The following TBC1D32 variants were observed in gnomAD, a reference collection of about 807,000 sequenced individuals.
TBC1D32 encodes the protein TBC1 domain family member 32.
A neutral mutation model predicts 170.3 loss-of-function variants in TBC1D32; 151 were observed. That is an observed-to-expected ratio of 0.89 (90% CI 0.78 to 1.01). The LOEUF (loss-of-function observed/expected upper bound fraction) is 1.01. Among genes scored for constraint, TBC1D32 ranks in the 50% least tolerant of loss-of-function variants. The pLI is 0.00. For synonymous variants in TBC1D32, 498 were observed against 488.0 expected (o/e 1.02, Z -0.27); for missense variants, 1,464 against 1,457.1 (o/e 1.00, Z -0.08).
chr6:121,178,053 A>G (rs1378072038), intron 22 of TBC1D32, among the ~76,000 whole-genome samples: 3 of 152,184 alleles, frequency 2.0e-5, no homozygotes, highest in Non-Finnish European at 2.9e-5. Context: ...CACATCTTAC[A>G]TGGCAGCAGG....
chr6:121,256,510 T>C (rs1282885339), intron 15 of TBC1D32, among the ~76,000 whole-genome samples: 1 of 152,088 alleles, frequency 6.6e-6, no homozygotes, highest in Non-Finnish European at 1.5e-5. Flanking sequence ...AGGAAAACTT[T>C]ACAATGAAAA....
intron 20 of TBC1D32, among the ~76,000 whole-genome samples, chr6:121,237,803 T>C (rs1796504127): frequency 6.6e-6 from 1 of 152,112 alleles, no homozygotes; most frequent in African/African-American, 2.4e-5. Flanking sequence ...TTTAAAATCC[T>C]AAATTCTTCA....
At chr6:121,159,975 A>T (rs1207454696) in intron 24 of TBC1D32, 35 bp downstream of exon 24, 1 of 1,390,470 alleles carries the variant, frequency 7.2e-7, no homozygotes, top group East Asian at 2.3e-5. Context: ...CAAAAGCTTT[A>T]AAAATAATAT....
chr6:121,131,820 A>T, intron 24 of TBC1D32, 68 bp from the exon 25 acceptor site: 1 of 1,274,152 alleles, frequency 7.8e-7, no homozygotes. Context: ...ATTAATGTTA[A>T]CTATGTAAAC....
chr6:121,318,222 G>A (rs1421600659), intron 2 of TBC1D32, among the ~76,000 whole-genome samples: 3 of 152,050 alleles, frequency 2.0e-5, no homozygotes, highest in Non-Finnish European at 4.4e-5. Flanking sequence ...CAGAGGCTGG[G>A]AAATCCACTC....
At chr6:121,246,385 TC>T (rs142517948) in intron 17 of TBC1D32, among the ~76,000 whole-genome samples, 2 of 151,996 alleles carry the variant, frequency 1.3e-5, no homozygotes, top group African/African-American at 4.8e-5. Context: ...AAAAAATTTT[TC>T]TAATCCGATC....
chr6:121,111,298 A>G (rs917376455), intron 29 of TBC1D32, among the ~76,000 whole-genome samples: 6 of 152,214 alleles, frequency 3.9e-5, no homozygotes, highest in African/African-American at 1.4e-4. Flanking sequence ...TGATGTTTAG[A>G]TGGTGTCATA....
chr6:121,276,619 A>G (rs149859621), intron 15 of TBC1D32, among the ~76,000 whole-genome samples: 132 of 152,274 alleles, frequency 8.7e-4, no homozygotes, highest in African/African-American at 2.9e-3. Context: ...AGTAGATTAA[A>G]AGTCAAGACC....
At chr6:121,081,703 T>C (rs1185700951) in intron 31 of TBC1D32, among the ~76,000 whole-genome samples, 1 of 151,234 alleles carries the variant, frequency 6.6e-6, no homozygotes, top group African/African-American at 2.4e-5. Flanking sequence ...CTAGATACTG[T>C]GTTAGAGGCA....
intron 24 of TBC1D32, among the ~76,000 whole-genome samples, chr6:121,152,229 G>A (rs1478488712): frequency 6.6e-6 from 1 of 152,138 alleles, no homozygotes; most frequent in Admixed American, 6.5e-5. Context: ...TTGTTTGTCT[G>A]TAAAGGATTT....
intron 1 of TBC1D32, among the ~76,000 whole-genome samples, chr6:121,333,192 T>C (rs906565291): frequency 6.6e-6 from 1 of 152,182 alleles, no homozygotes. Flanking sequence ...GTGTCATCTC[T>C]GTCAGATCAA....
chr6:121,237,254 A>C (rs11154006), intron 20 of TBC1D32, among the ~76,000 whole-genome samples: 1 of 151,678 alleles, frequency 6.6e-6, no homozygotes, highest in Non-Finnish European at 1.5e-5. Flanking sequence ...GATATGAAAA[A>C]TTTTTCTGCT....
chr6:121,128,854 CA>C (rs1344129466), intron 25 of TBC1D32, among the ~76,000 whole-genome samples: 2 of 152,082 alleles, frequency 1.3e-5, no homozygotes, highest in Non-Finnish European at 2.9e-5. Flanking sequence ...CGTTAAAATC[CA>C]ATACATATCC....
intron 1 of TBC1D32, among the ~76,000 whole-genome samples, chr6:121,324,284 A>T (rs1810162149): frequency 1.3e-5 from 2 of 152,200 alleles, no homozygotes; most frequent in Admixed American, 1.3e-4. Flanking sequence ...TTGCAACAAA[A>T]ATTACATTTT....
At chr6:121,193,512 C>G (rs1199429431) in intron 22 of TBC1D32, among the ~76,000 whole-genome samples, 1 of 152,196 alleles carries the variant, frequency 6.6e-6, no homozygotes, top group East Asian at 1.9e-4. Flanking sequence ...TCAGGTCTAA[C>G]AGTGGGAACT....
At chr6:121,260,940 G>C (rs189009428) in intron 15 of TBC1D32, among the ~76,000 whole-genome samples, 1 of 152,202 alleles carries the variant, frequency 6.6e-6, no homozygotes, top group Admixed American at 6.5e-5. Context: ...TTCCCTGCTA[G>C]AGCCAGGGAA....
intron 2 of TBC1D32, 97 bp downstream of exon 2, chr6:121,321,536 T>A (rs1012480931): frequency 2.6e-6 from 3 of 1,150,816 alleles, no homozygotes; most frequent in African/African-American, 1.6e-5. Context: ...TTCTGGCTGC[T>A]ATGAGGGAAA....
At chr6:121,296,372 A>T (rs1805646465) in intron 10 of TBC1D32, among the ~76,000 whole-genome samples, 1 of 151,998 alleles carries the variant, frequency 6.6e-6, no homozygotes, top group Non-Finnish European at 1.5e-5. Flanking sequence ...TCCCCCTCCC[A>T]TATCTACCTG....
chr6:121,208,831 T>C (rs982696585), intron 21 of TBC1D32, among the ~76,000 whole-genome samples: 2 of 151,832 alleles, frequency 1.3e-5, no homozygotes, highest in African/African-American at 2.4e-5. Flanking sequence ...ACTTCTGGCC[T>C]TCAGAATTGG....
Sources: gnomAD v4.1 joint callset for allele counts (sites outside exome capture counted in the v4.1 genomes callset) on GRCh38, gnomAD v4.1.1 for gene constraint, MANE v1.5 for transcripts, NCBI Gene and HGNC (gene_info 2026-07-23, HGNC 2026-07-21) for gene names.